THADA: variants seen among roughly 807,000 people sequenced by gnomAD.
The protein encoded by THADA is tRNA (32-2'-O)-methyltransferase regulator THADA.
THADA carries 213 observed loss-of-function variants against 219.8 expected under a neutral mutation model. The observed-to-expected ratio is 0.97, with a 90% confidence interval of 0.87 to 1.09. THADA has a LOEUF of 1.09. Ranked by LOEUF, THADA falls within the 50% of genes least tolerant of loss-of-function variation. The pLI, the probability that THADA is intolerant of heterozygous loss-of-function variation, is 0.00. For missense variants in THADA, 2,956 were observed against 2,311.3 expected, an observed-to-expected ratio of 1.28 and a Z score of -5.72; for synonymous variants, 1,018 against 828.9, an observed-to-expected ratio of 1.23 and a Z score of -3.92.
rs527425065 is a variant in THADA, at chr2:43,443,216, T to C, written c.3837-12914A>G. Among the ~76,000 whole-genome samples, 10 of 152,276 alleles carry C rather than the reference T, an allele frequency of 6.6e-5. 1 individual carries two copies. Among genetic ancestry groups the C allele is most frequent in the Admixed American group, 4.6e-4 (7 of 15,294 alleles). On this transcript the variant is annotated intron_variant, in intron 26 of 37. Transcript: ENST00000405975. ...TTTACAGCTGGTGCCTACTAAACAG[T>C]TGCCGAGTGAGTGAAGCGAAACACA...
chr2:43,545,741 G>C (rs1480305734), intron 20 of THADA, among the ~76,000 whole-genome samples: 4 of 151,462 alleles, frequency 2.6e-5, no homozygotes, highest in African/African-American at 7.3e-5. Flanking sequence ...ATTTTTTATT[G>C]CGTCTATTTG....
intron 20 of THADA, among the ~76,000 whole-genome samples, chr2:43,542,407 T>C (rs562464591): frequency 6.6e-6 from 1 of 152,286 alleles, no homozygotes; most frequent in East Asian, 1.9e-4. Flanking sequence ...CATTTATACA[T>C]TATTTTGTGT....
chr2:43,514,061 T>TAA (rs959815356), intron 22 of THADA, among the ~76,000 whole-genome samples: 4 of 135,706 alleles, frequency 2.9e-5, no homozygotes, highest in African/African-American at 8.2e-5. Context: ...CACTGTCCCT[T>TAA]AAAAAAAAAA....
chr2:43,307,540 C>T (rs1677005413), intron 31 of THADA, among the ~76,000 whole-genome samples: 1 of 152,226 alleles, frequency 6.6e-6, no homozygotes, highest in Non-Finnish European at 1.5e-5. Context: ...TTCTCTCACC[C>T]AGAGTAGAGA....
chr2:43,350,581 G>C lies in THADA; in HGVS notation c.4228-6344C>G, dbSNP rs1393641438. ...AGGGTGCCATGCTTACTGGGTATAA[G>C]TACCTACTTATATCATCTGTTCAGA... On this transcript the variant is annotated intron_variant, in intron 29 of 37. Coordinates refer to ENST00000405975, the MANE Select transcript of THADA (RefSeq NM_022065.5). 2.0e-5 allele frequency among the ~76,000 whole-genome samples: 3 copies of C among 152,316 alleles called. No homozygotes were observed. In the East Asian group the frequency reaches 5.8e-4, roughly 29 times the overall value.
chr2:43,315,632 T>G (rs1229714214), intron 31 of THADA, among the ~76,000 whole-genome samples: 1 of 151,906 alleles, frequency 6.6e-6, no homozygotes, highest in Non-Finnish European at 1.5e-5. Flanking sequence ...GTCCAGCTAA[T>G]TAAAAAAAAA....
rs147766226 is a variant in THADA, at chr2:43,571,434, T to A, written c.2064+273A>T. Reference sequence around the variant, plus strand: ...ACCGGCTAATTTTTTTGTATTTTAGTAGAGATGGGGTTTGACTGTGTTGCC... The same window carrying A: ...ACCGGCTAATTTTTTTGTATTTTAGAAGAGATGGGGTTTGACTGTGTTGCC... On this transcript the variant is annotated intron_variant, in intron 13 of 37. Coordinates refer to ENST00000405975, the MANE Select transcript of THADA (RefSeq NM_022065.5). Among the ~76,000 whole-genome samples the A allele has an allele frequency of 7.1e-3, 1,085 of 151,776 alleles. 14 individuals carry two copies. Among genetic ancestry groups the A allele is most frequent in the African/African-American group, 0.025 (1,030 of 41,380 alleles).
chr2:43,547,368 T>C (rs892432138), intron 20 of THADA, among the ~76,000 whole-genome samples: 1 of 152,194 alleles, frequency 6.6e-6, no homozygotes. Flanking sequence ...TTCTCAAGGA[T>C]TATCTTTGTG....
At chr2:43,530,977 G>A (rs1693795903) in intron 21 of THADA, among the ~76,000 whole-genome samples, 1 of 152,086 alleles carries the variant, frequency 6.6e-6, no homozygotes, top group Non-Finnish European at 1.5e-5. Context: ...TAATACCTAG[G>A]CTTATTATCT....
At chr2:43,313,578 G>A (rs1170726312) in intron 31 of THADA, among the ~76,000 whole-genome samples, 1 of 152,212 alleles carries the variant, frequency 6.6e-6, no homozygotes, top group East Asian at 1.9e-4. Flanking sequence ...GTGGCTGCCC[G>A]GGAGCAGTCA....
Position 43,436,197 on chromosome 2 carries a change from C to CA in THADA, c.3837-5896dup, listed in dbSNP as rs1680080580. ...AAAACGTCTGGTTGCAAGTAGGGAG[C>CA]AACTGGAAAAAAGACAAAGTTATAA... is the stretch of plus-strand genomic sequence containing the variant. On this transcript the variant is annotated intron_variant, in intron 26 of 37. Transcript: ENST00000405975. 3.9e-5 allele frequency among the ~76,000 whole-genome samples: 6 copies of CA among 152,010 alleles called. No homozygotes were observed. In the South Asian group the frequency reaches 1.2e-3, roughly 32 times the overall value.
intron 21 of THADA, among the ~76,000 whole-genome samples, chr2:43,532,439 G>A (rs1246591476): frequency 6.8e-6 from 1 of 147,274 alleles, no homozygotes; most frequent in Non-Finnish European, 1.5e-5. Flanking sequence ...AAAAAAGGAT[G>A]GTTCAACATA....
intron 26 of THADA, among the ~76,000 whole-genome samples, chr2:43,450,478 CAAAGAAAATAGTTATAG>C (rs1661761230): frequency 6.6e-6 from 1 of 150,924 alleles, no homozygotes; most frequent in Admixed American, 6.6e-5. Context: ...ATGGCAGCCA[CAAAGAAAATAGTTATAG>C]AATATACACA....
chr2:43,446,853 A>C (rs889039013), intron 26 of THADA, among the ~76,000 whole-genome samples: 3 of 152,184 alleles, frequency 2.0e-5, no homozygotes, highest in African/African-American at 7.2e-5. Flanking sequence ...AGAAGTCTGA[A>C]ATCAGTATCA....
At position 43,351,551 on chromosome 2, in the gene THADA, T is replaced by G. The variant is rs144687369; in HGVS notation, c.4228-7314A>C. Among the ~76,000 whole-genome samples, 18 of 152,310 alleles carry G rather than the reference T, an allele frequency of 1.2e-4. 1 individual carries two copies. The East Asian group carries it at 3.3e-3, about 28-fold the overall frequency. ...TTTTTCTCTTCAGTGCTCCAACATC[T>G]CCTTTAATTTGATGATTTTAAAAAA... On this transcript the variant is annotated intron_variant, in intron 29 of 37. Transcript: ENST00000405975.
intron 29 of THADA, 151 bp downstream of exon 29, chr2:43,397,820 A>C (rs1674268703): frequency 1.5e-6 from 1 of 675,160 alleles, no homozygotes; most frequent in Admixed American, 2.9e-5. Flanking sequence ...TATAACTAGG[A>C]GATACCTGAT....
chr2:43,315,936 G>T (rs1458607889), intron 31 of THADA, among the ~76,000 whole-genome samples: 1 of 152,176 alleles, frequency 6.6e-6, no homozygotes, highest in Non-Finnish European at 1.5e-5. Flanking sequence ...TCAAATTGAG[G>T]CTCCTTGGAC....
intron 22 of THADA, among the ~76,000 whole-genome samples, chr2:43,510,955 A>G (rs1690338490): frequency 6.6e-6 from 1 of 151,782 alleles, no homozygotes; most frequent in African/African-American, 2.4e-5. Context: ...TGGGTGACAC[A>G]GCAAGACTCC....
In THADA at chr2:43,505,644, T is replaced by C. The variant is rs766364697; in HGVS notation, c.3599A>G (p.Asp1200Gly). 4 of 1,595,526 alleles carry C rather than the reference T, an allele frequency of 2.5e-6. No individual in the cohort carries two copies. The highest frequency in any genetic ancestry group is 3.4e-6 in the Non-Finnish European group (4 of 1,169,420). ...ELISLAGPTD[D>G]IQSTVPQVHA... The stretch of plus-strand genomic sequence containing the variant: ...TACCTGGGGGACTGTACTCTGTATG[T>C]CATCTGTAGGCCCAGCCAAAGAGAT... Residue 1200 changes from aspartate (D) to glycine (G), a missense_variant, in exon 24 of 38, where the codon GAC (aspartate) becomes GGC (glycine). Transcript: ENST00000405975.
Sources: allele counts gnomAD v4.1 joint callset (sites outside exome capture counted in the v4.1 genomes callset), GRCh38; gene constraint gnomAD v4.1.1; transcripts MANE v1.5; gene names NCBI Gene and HGNC (gene_info 2026-07-23, HGNC 2026-07-21).